The following RASSF8 variants were observed in gnomAD, a reference collection of about 807,000 sequenced individuals.
RASSF8 encodes the protein ras association domain-containing protein 8.
A neutral mutation model predicts 48.5 loss-of-function variants in RASSF8; 22 were observed. The ratio of observed to expected loss-of-function variants is 0.45; its 90% CI spans 0.32 to 0.65. The LOEUF (loss-of-function observed/expected upper bound fraction) is 0.65. RASSF8 is among the 30% of genes least tolerant of loss of function. The pLI, the probability that RASSF8 is intolerant of heterozygous loss-of-function variation, is 0.03. For synonymous variants in RASSF8, 127 were observed against 171.5 expected (o/e 0.74, Z 2.03); for missense variants, 418 against 489.2 (o/e 0.85, Z 1.37).
chr12:26,009,476 A>G (rs748091104), intron 2 of RASSF8, among the ~76,000 whole-genome samples: 3 of 152,180 alleles, frequency 2.0e-5, no homozygotes, highest in Non-Finnish European at 4.4e-5. Flanking sequence ...CCTGTAGTGC[A>G]CAGGACTGTC....
intron 1 of RASSF8, among the ~76,000 whole-genome samples, chr12:25,970,591 A>G (rs1941463224): frequency 1.3e-5 from 2 of 152,078 alleles, no homozygotes; most frequent in African/African-American, 4.8e-5. Flanking sequence ...GAGCTCTTGG[A>G]CACAGAAATC....
chr12:25,960,558 C>T (rs1328816150), intron 1 of RASSF8, among the ~76,000 whole-genome samples: 1 of 152,198 alleles, frequency 6.6e-6, no homozygotes, highest in Non-Finnish European at 1.5e-5. Flanking sequence ...CCATCCCCCA[C>T]TTGAAGAAGA....
intron 2 of RASSF8, among the ~76,000 whole-genome samples, chr12:26,014,927 T>C (rs189024943): frequency 1.3e-5 from 2 of 152,022 alleles, no homozygotes; most frequent in Admixed American, 6.5e-5. Context: ...CCATACAGGC[T>C]GGGCATGGTG....
intron 2 of RASSF8, among the ~76,000 whole-genome samples, chr12:26,026,356 G>GT (rs1942913192): frequency 6.6e-6 from 1 of 152,188 alleles, no homozygotes; most frequent in Admixed American, 6.5e-5. Flanking sequence ...ATGAAAAGAT[G>GT]TTTGACGTTA....
intron 2 of RASSF8, among the ~76,000 whole-genome samples, chr12:26,007,463 A>G (rs1942419644): frequency 6.6e-6 from 1 of 152,210 alleles, no homozygotes; most frequent in South Asian, 2.1e-4. Context: ...AAGTGGTAAT[A>G]GTCATGTTGT....
At chr12:26,028,943 C>T (rs114379293) in intron 2 of RASSF8, among the ~76,000 whole-genome samples, 7 of 151,926 alleles carry the variant, frequency 4.6e-5, no homozygotes, top group Non-Finnish European at 8.8e-5. Flanking sequence ...ATTTGGTGCA[C>T]GATACTTAGG....
chr12:26,001,070 G>A (rs1175676924), intron 2 of RASSF8, among the ~76,000 whole-genome samples: 1 of 129,176 alleles, frequency 7.7e-6, no homozygotes, highest in East Asian at 2.4e-4. Flanking sequence ...CTGAAGCCTT[G>A]ACCTCCTGGG....
At chr12:25,976,170 A>T (rs1333480162) in intron 1 of RASSF8, among the ~76,000 whole-genome samples, 1 of 152,176 alleles carries the variant, frequency 6.6e-6, no homozygotes, top group Non-Finnish European at 1.5e-5. Context: ...CTAAATTGAA[A>T]GGAAAACCCA....
At chr12:25,984,852 A>T (rs1941835299) in intron 1 of RASSF8, among the ~76,000 whole-genome samples, 1 of 152,170 alleles carries the variant, frequency 6.6e-6, no homozygotes, top group Admixed American at 6.5e-5. Context: ...CATTTAGTAA[A>T]ATTAATTTTA....
At chr12:26,008,646 A>C (rs893241926) in intron 2 of RASSF8, among the ~76,000 whole-genome samples, 2 of 152,242 alleles carry the variant, frequency 1.3e-5, no homozygotes, top group African/African-American at 4.8e-5. Flanking sequence ...GTAATTTCTT[A>C]TAGTAATATT....
intron 1 of RASSF8, among the ~76,000 whole-genome samples, chr12:25,977,361 C>A (rs1197620273): frequency 6.6e-6 from 1 of 152,190 alleles, no homozygotes; most frequent in Non-Finnish European, 1.5e-5. Context: ...GTGACCATTA[C>A]ACAGAGAGAA....
intron 1 of RASSF8, among the ~76,000 whole-genome samples, chr12:25,991,722 G>A (rs761429525): frequency 6.6e-6 from 1 of 152,146 alleles, no homozygotes; most frequent in Non-Finnish European, 1.5e-5. Flanking sequence ...AGAGCAAGAT[G>A]GAAGCTACCA....
chr12:26,041,596 G>T (rs1421149296), intron 2 of RASSF8, among the ~76,000 whole-genome samples: 1 of 151,402 alleles, frequency 6.6e-6, no homozygotes, highest in Admixed American at 6.6e-5. Context: ...AGAGTGGGGG[G>T]GTGTACACAC....
chr12:25,997,260 C>T (rs748139777), intron 2 of RASSF8, among the ~76,000 whole-genome samples: 8 of 152,142 alleles, frequency 5.3e-5, no homozygotes, highest in African/African-American at 1.9e-4. Context: ...CCTCATCCCC[C>T]CTTTCTAGTA....
chr12:26,068,799 C>G lies in RASSF8; in HGVS notation c.1241C>G (p.Pro414Arg). Residue 414 changes from proline to arginine, a missense_variant, in exon 6 of 6, where the codon CCT (proline) becomes CGT (arginine). Pro to Arg is a moderately radical substitution (Grantham distance 103, BLOSUM62 -2). Transcript: ENST00000689635. ...LQNPISSGFN[P>R]EGIYV The stretch of plus-strand genomic sequence containing the variant: ...AATCCTATCTCATCTGGTTTTAATC[C>G]TGAAGGCATATATGTATGACATTAT... 6.5e-7 allele frequency: 1 copy of G among 1,537,048 alleles called. No homozygotes were observed. The highest frequency in any genetic ancestry group is 8.7e-7 in the Non-Finnish European group (1 of 1,146,782).
intron 1 of RASSF8, among the ~76,000 whole-genome samples, chr12:25,963,556 C>G (rs898817260): frequency 2.6e-5 from 4 of 152,154 alleles, no homozygotes; most frequent in Non-Finnish European, 5.9e-5. Context: ...CATTTCCTCA[C>G]ACCCTTAGAG....
Position 26,072,771 on chromosome 12 carries a change from C to G in RASSF8, c.*3953C>G, listed in dbSNP as rs897738016. On this transcript the variant is annotated 3_prime_UTR_variant, in exon 6 of 6. Transcript: ENST00000689635. ...TGTAATTATCCTTTTCTTTGACTTTCATTTTAAATGTATATTTTCTGATCA... is the reference window on the plus strand; with the variant it reads ...TGTAATTATCCTTTTCTTTGACTTTGATTTTAAATGTATATTTTCTGATCA... The G allele has an allele frequency of 1.3e-5, 12 of 930,616 alleles. No individual in the cohort carries two copies. In the African/African-American group the frequency reaches 2.0e-4, roughly 15 times the overall value. 57.6% of individuals were successfully genotyped at this position (930,616 alleles called of 1,614,324 possible). A position where few individuals can be genotyped will look rare whatever the true frequency, so the allele number is the denominator to read the frequency against.
chr12:25,995,362 G>A (rs901175934), intron 2 of RASSF8, among the ~76,000 whole-genome samples: 2 of 152,126 alleles, frequency 1.3e-5, no homozygotes, highest in Admixed American at 1.3e-4. Flanking sequence ...AATTTGGGTC[G>A]ACACTAAAAG....
At chr12:26,059,872 G>T (rs1565642999) in intron 3 of RASSF8, among the ~76,000 whole-genome samples, 2 of 152,116 alleles carry the variant, frequency 1.3e-5, no homozygotes, top group African/African-American at 4.8e-5. Context: ...AACGTAACCA[G>T]CACAATGCCC....
Sources: allele counts gnomAD v4.1 joint callset (sites outside exome capture counted in the v4.1 genomes callset), GRCh38; gene constraint gnomAD v4.1.1; transcripts MANE v1.5; gene names NCBI Gene and HGNC (gene_info 2026-07-23, HGNC 2026-07-21).